The following CHN1 variants were observed in gnomAD, a reference collection of about 807,000 sequenced individuals.
CHN1 encodes the protein N-chimaerin.
A neutral mutation model predicts 59.5 loss-of-function variants in CHN1; 37 were observed. That is an observed-to-expected ratio of 0.62 (90% CI 0.48 to 0.82). CHN1 has a LOEUF of 0.82. CHN1 is among the 40% of genes least tolerant of loss of function. The pLI is 0.00. For synonymous variants in CHN1, 206 were observed against 200.4 expected, an observed-to-expected ratio of 1.03 and a Z score of -0.24; for missense variants, 469 against 571.0, an observed-to-expected ratio of 0.82 and a Z score of 1.82.
At chr2:174,930,576 C>T (rs1413250971) in intron 3 of CHN1, among the ~76,000 whole-genome samples, 1 of 151,912 alleles carries the variant, frequency 6.6e-6, no homozygotes, top group African/African-American at 2.4e-5. Context: ...CCTAGCTGGC[C>T]CAAAGGGAGG....
intron 6 of CHN1, among the ~76,000 whole-genome samples, chr2:174,870,565 A>T (rs1430880113): frequency 6.6e-6 from 1 of 152,198 alleles, no homozygotes; most frequent in Non-Finnish European, 1.5e-5. Flanking sequence ...TAAAGTGAGG[A>T]TTTACAACTG....
At chr2:174,966,529 T>A (rs1690597404) in intron 1 of CHN1, among the ~76,000 whole-genome samples, 1 of 152,162 alleles carries the variant, frequency 6.6e-6, no homozygotes, top group Admixed American at 6.6e-5. Flanking sequence ...AAACTAAAGC[T>A]TGGTCTTTAA....
chr2:174,832,346 CT>C (rs887932845), intron 7 of CHN1, among the ~76,000 whole-genome samples: 3 of 151,910 alleles, frequency 2.0e-5, no homozygotes, highest in African/African-American at 7.2e-5. Context: ...TCCTTAAGTA[CT>C]TGGTTTAATT....
chr2:174,917,977 G>C (rs1001576809), intron 4 of CHN1, among the ~76,000 whole-genome samples: 2 of 151,934 alleles, frequency 1.3e-5, no homozygotes, highest in African/African-American at 4.8e-5. Context: ...ATTTTAAATG[G>C]AACAATCAGG....
intron 5 of CHN1, among the ~76,000 whole-genome samples, chr2:174,899,514 G>A (rs1469522661): frequency 6.6e-6 from 1 of 152,146 alleles, no homozygotes; most frequent in Non-Finnish European, 1.5e-5. Flanking sequence ...TCACCAACAA[G>A]CTAAACATTG....
intron 11 of CHN1, among the ~76,000 whole-genome samples, chr2:174,805,715 T>G (rs1419733899): frequency 6.6e-6 from 1 of 152,212 alleles, no homozygotes; most frequent in East Asian, 1.9e-4. Flanking sequence ...AAGATCTAAT[T>G]AAAAGCTCTT....
chr2:174,857,474 C>A (rs889773974), intron 6 of CHN1, among the ~76,000 whole-genome samples: 1 of 152,082 alleles, frequency 6.6e-6, no homozygotes, highest in Admixed American at 6.6e-5. Flanking sequence ...GTATTGGTAA[C>A]AACCTATACT....
intron 2 of CHN1, among the ~76,000 whole-genome samples, chr2:174,949,569 T>A (rs541308080): frequency 6.6e-6 from 1 of 152,162 alleles, no homozygotes; most frequent in South Asian, 2.1e-4. Context: ...CCGCCTAAAT[T>A]GGCCAGGCTG....
intron 7 of CHN1, chr2:174,846,424 AG>A: frequency 3.9e-6 from 6 of 1,537,078 alleles, no homozygotes; most frequent in Non-Finnish European, 5.3e-6. Context: ...TTAACAGGGG[AG>A]AAAAGACAGA....
Position 175,005,135 on chromosome 2 carries a change from C to T in CHN1, c.-223G>A. ...GTCGGGCGCACCGGGCCCAGGGAGC[C>T]CCGCTAGCTCTCCGCGAGCCGGCAC... On this transcript the variant is annotated 5_prime_UTR_variant, in exon 1 of 13. Transcript: ENST00000409900. 7.7e-7 allele frequency: 1 copy of T among 1,300,496 alleles called. No homozygotes were observed. The highest frequency in any genetic ancestry group is 9.8e-7 in the Non-Finnish European group (1 of 1,022,732). The allele number at this position is 1,300,496 out of a possible 1,614,324, so 80.6% of individuals were successfully genotyped here. A position where few individuals can be genotyped will look rare whatever the true frequency, so the allele number is the denominator to read the frequency against.
At chr2:174,991,507 A>C (rs1372996897) in intron 1 of CHN1, among the ~76,000 whole-genome samples, 2 of 152,236 alleles carry the variant, frequency 1.3e-5, no homozygotes, top group Admixed American at 6.5e-5. Flanking sequence ...TTTATAAAAT[A>C]TAACAGTATA....
At chr2:174,962,047 T>A (rs958141931) in intron 1 of CHN1, among the ~76,000 whole-genome samples, 2 of 151,904 alleles carry the variant, frequency 1.3e-5, no homozygotes, top group South Asian at 2.1e-4. Context: ...AGCACTTTGT[T>A]AGGCCGAGGC....
chr2:174,799,570 G>C lies in CHN1; in HGVS notation c.*546C>G. The C allele has an allele frequency of 3.8e-6, 2 of 525,090 alleles. No homozygotes were observed. The highest frequency in any genetic ancestry group is 7.4e-6 in the Non-Finnish European group (2 of 270,692). The allele number at this position is 525,090 out of a possible 1,614,324, so 32.5% of individuals were successfully genotyped here. On this transcript the variant is annotated 3_prime_UTR_variant, in exon 13 of 13. Coordinates refer to ENST00000409900, the MANE Select transcript of CHN1 (RefSeq NM_001822.7). ...CTGAAAACACATTTTGCTTTTGCTGGAAAGAAAGTACTATGTTAGAGAAGA... is the reference window on the plus strand; with the variant it reads ...CTGAAAACACATTTTGCTTTTGCTGCAAAGAAAGTACTATGTTAGAGAAGA...
At chr2:174,833,696 C>T (rs752762791) in intron 7 of CHN1, among the ~76,000 whole-genome samples, 20 of 151,950 alleles carry the variant, frequency 1.3e-4, no homozygotes, top group African/African-American at 3.9e-4. Flanking sequence ...ATGTTTTATA[C>T]TCTGAATTAA....
At chr2:174,885,147 C>T (rs1350791766) in intron 5 of CHN1, among the ~76,000 whole-genome samples, 1 of 150,752 alleles carries the variant, frequency 6.6e-6, no homozygotes, top group Non-Finnish European at 1.5e-5. Flanking sequence ...ATCAGCCAGG[C>T]GCCCGTAGTC....
chr2:174,838,586 A>G (rs1206549789), intron 7 of CHN1, among the ~76,000 whole-genome samples: 1 of 152,194 alleles, frequency 6.6e-6, no homozygotes, highest in Admixed American at 6.5e-5. Flanking sequence ...TCCTCAGTTA[A>G]ATCTGGAAGG....
chr2:174,980,822 A>G (rs528739550), intron 1 of CHN1, among the ~76,000 whole-genome samples: 1 of 152,332 alleles, frequency 6.6e-6, no homozygotes, highest in East Asian at 1.9e-4. Context: ...CATTGAAATT[A>G]TCACTCTTCC....
chr2:174,998,356 A>G (rs1283028186), intron 1 of CHN1, among the ~76,000 whole-genome samples: 1 of 150,880 alleles, frequency 6.6e-6, no homozygotes, highest in Non-Finnish European at 1.5e-5. Context: ...ATACTTTAAG[A>G]GCTGAAGATT....
At chr2:174,810,034 C>A (rs1685022736) in intron 10 of CHN1, among the ~76,000 whole-genome samples, 1 of 152,208 alleles carries the variant, frequency 6.6e-6, no homozygotes, top group South Asian at 2.1e-4. Context: ...TAAATGAGTT[C>A]ATTCCAGCAT....
Sources: allele counts gnomAD v4.1 joint callset (sites outside exome capture counted in the v4.1 genomes callset), GRCh38; gene constraint gnomAD v4.1.1; transcripts MANE v1.5; gene names NCBI Gene and HGNC (gene_info 2026-07-23, HGNC 2026-07-21).